CFAP61: variants seen among roughly 807,000 people sequenced by gnomAD.
CFAP61 encodes the protein cilia- and flagella-associated protein 61.
A neutral mutation model predicts 135.6 loss-of-function variants in CFAP61; 107 were observed. That is an observed-to-expected ratio of 0.79 (90% CI 0.67 to 0.93). The LOEUF (loss-of-function observed/expected upper bound fraction) is 0.93. Among genes scored for constraint, CFAP61 ranks in the 40% least tolerant of loss-of-function variants. The pLI is 0.00. For synonymous variants in CFAP61, 575 were observed against 578.5 expected, an observed-to-expected ratio of 0.99 and a Z score of 0.09; for missense variants, 1,507 against 1,556.2, an observed-to-expected ratio of 0.97 and a Z score of 0.53.
intron 18 of CFAP61, among the ~76,000 whole-genome samples, chr20:20,231,040 T>C (rs2049097352): frequency 6.6e-6 from 1 of 152,198 alleles, no homozygotes; most frequent in Non-Finnish European, 1.5e-5. Context: ...ATAAAACACA[T>C]TTGGTCTCCT....
chr20:20,356,113 C>G (rs1409136675), intron 26 of CFAP61, among the ~76,000 whole-genome samples: 1 of 18,360 alleles, frequency 5.4e-5, no homozygotes, highest in African/African-American at 7.2e-5. Flanking sequence ...GAGGTGGTCA[C>G]ACTGAGGGGA....
chr20:20,124,519 C>A (rs2049923762), intron 8 of CFAP61, among the ~76,000 whole-genome samples: 1 of 151,856 alleles, frequency 6.6e-6, no homozygotes, highest in Middle Eastern at 3.4e-3. Context: ...GTTTTTAATT[C>A]TGTTTATGTG....
chr20:20,210,598 A>C (rs2047561414), intron 17 of CFAP61, among the ~76,000 whole-genome samples: 1 of 152,132 alleles, frequency 6.6e-6, no homozygotes, highest in African/African-American at 2.4e-5. Context: ...ACAACACCCC[A>C]CTAGGATGAC....
At chr20:20,077,981 A>G (rs2046175381) in intron 6 of CFAP61, among the ~76,000 whole-genome samples, 1 of 152,228 alleles carries the variant, frequency 6.6e-6, no homozygotes, top group Admixed American at 6.5e-5. Context: ...TCACCACAGA[A>G]TGTAGAATTT....
Position 20,121,689 on chromosome 20 carries a change from T to A in CFAP61, c.860-21168T>A, listed in dbSNP as rs191848013. Among the ~76,000 whole-genome samples the A allele has an allele frequency of 3.9e-3, 587 of 152,216 alleles. 4 individuals are homozygous for A. Among genetic ancestry groups the A allele is most frequent in the African/African-American group, 0.014 (565 of 41,542 alleles). Reference sequence around the variant, plus strand: ...TTTGTATTTTAGTTGAGATGGTGTTTCGCCATGTTGGCCATGCTGGTCTTG... The same window carrying A: ...TTTGTATTTTAGTTGAGATGGTGTTACGCCATGTTGGCCATGCTGGTCTTG... On this transcript the variant is annotated intron_variant, in intron 8 of 26. Transcript: ENST00000245957.
chr20:20,223,304 T>A (rs887260402), intron 17 of CFAP61, among the ~76,000 whole-genome samples: 1 of 152,148 alleles, frequency 6.6e-6, no homozygotes, highest in Non-Finnish European at 1.5e-5. Flanking sequence ...CCGAGGAAAC[T>A]GATATTTAGG....
rs542985792 is a variant in CFAP61 at position 20,173,733 on chromosome 20, A to C, written c.1385+4273A>C. Among the ~76,000 whole-genome samples, 22 of 152,294 alleles carry C rather than the reference A, an allele frequency of 1.4e-4. No homozygotes were observed. In the South Asian group the frequency reaches 4.3e-3, roughly 30 times the overall value. ...ATTCAAGTAGAATTTTTAAAAATGTACTTTATACTCCGCATTCCTAAATGC... is the reference window on the plus strand; with the variant it reads ...ATTCAAGTAGAATTTTTAAAAATGTCCTTTATACTCCGCATTCCTAAATGC... On this transcript the variant is annotated intron_variant, in intron 13 of 26. Transcript: ENST00000245957.
chr20:20,262,845 C>G (rs59345711), intron 20 of CFAP61, 111 bp from the exon 21 acceptor site: 55,396 of 458,834 alleles, frequency 0.12, 4,553 homozygotes, highest in African/African-American at 0.29. Flanking sequence ...GATTGTATCT[C>G]GGGACAGAAA....
chr20:20,057,713 TTTAA>T (rs1365196061), intron 2 of CFAP61, among the ~76,000 whole-genome samples: 3 of 152,222 alleles, frequency 2.0e-5, no homozygotes, highest in East Asian at 1.9e-4. Flanking sequence ...TTCTTCATTA[TTTAA>T]TTAATTTATT....
At chr20:20,175,488 GTTTTTGTTTTGTTTTGTTTTGTTTT>G (rs2054547358) in intron 13 of CFAP61, among the ~76,000 whole-genome samples, 2 of 119,630 alleles carry the variant, frequency 1.7e-5, no homozygotes, top group South Asian at 5.8e-4. Flanking sequence ...TTTTTTTTTT[GTTTTTGTTTTGTTTTGTTTTGTTTT>G]GTTTTGTTTT....
chr20:20,064,020 CTAAA>C (rs1399239969), intron 2 of CFAP61, among the ~76,000 whole-genome samples: 1 of 141,270 alleles, frequency 7.1e-6, no homozygotes, highest in African/African-American at 2.5e-5. Context: ...TAAGGAAAGC[CTAAA>C]TAGAGTAACC....
At chr20:20,276,723 C>T (rs1428352977) in intron 21 of CFAP61, among the ~76,000 whole-genome samples, 1 of 152,156 alleles carries the variant, frequency 6.6e-6, no homozygotes, top group Non-Finnish European at 1.5e-5. Context: ...GAAATCAATC[C>T]AGTTCAACAT....
At position 20,360,216 on chromosome 20, in the gene CFAP61, G is replaced by T. The variant is rs34126878; in HGVS notation, c.3520G>T (p.Asp1174Tyr). 1 of 1,613,486 alleles carries T rather than the reference G, an allele frequency of 6.2e-7. No individual in the cohort carries two copies. Among genetic ancestry groups the T allele is most frequent in the Non-Finnish European group, 8.5e-7 (1 of 1,179,490 alleles). Residue 1174 changes from aspartate (D) to tyrosine (Y), a missense_variant, in exon 27 of 27, where the codon GAT becomes TAT. Physicochemically the swap from Asp to Tyr is radical, Grantham distance 160. Transcript: ENST00000245957. The stretch of plus-strand genomic sequence containing the variant: ...CTCTTACTGTGTTTTACAGGAGGAA[G>T]ATCTTCCTTCCATAGAGCAGTTAGC... ...RQILASKEEE[D>Y]LPSIEQLAHQ...
chr20:20,089,850 G>A (rs1249449566), intron 6 of CFAP61, among the ~76,000 whole-genome samples: 2 of 152,180 alleles, frequency 1.3e-5, no homozygotes, highest in African/African-American at 4.8e-5. Flanking sequence ...GGTGAGCAGT[G>A]CTCCATCACT....
At chr20:20,357,283 AGGT>A (rs1270311095) in intron 26 of CFAP61, among the ~76,000 whole-genome samples, 18 of 19,940 alleles carry the variant, frequency 9.0e-4, no homozygotes, top group South Asian at 2.4e-3. Flanking sequence ...CACTGAGAGG[AGGT>A]GGTCACACTG....
At chr20:20,320,177 C>T (rs2057370754) in intron 25 of CFAP61, among the ~76,000 whole-genome samples, 1 of 150,034 alleles carries the variant, frequency 6.7e-6, no homozygotes, top group Non-Finnish European at 1.5e-5. Flanking sequence ...ACATATCACC[C>T]TATTTGGATC....
chr20:20,348,133 A>G (rs2058699408), intron 26 of CFAP61, among the ~76,000 whole-genome samples: 1 of 152,196 alleles, frequency 6.6e-6, no homozygotes, highest in South Asian at 2.1e-4. Flanking sequence ...GAACTCTTCC[A>G]AAACATAGAA....
chr20:20,327,799 A>C lies in CFAP61; in HGVS notation c.3423-14032A>C, dbSNP rs552722788. Among the ~76,000 whole-genome samples the C allele has an allele frequency of 1.9e-4, 10 of 53,740 alleles. 1 individual carries two copies. The highest frequency in any genetic ancestry group is 7.6e-4 in the African/African-American group (8 of 10,568). The allele number at this position is 53,740 out of a possible 152,430, so 35.3% of individuals were successfully genotyped here. A position where few individuals can be genotyped will look rare whatever the true frequency, so the allele number is the denominator to read the frequency against. On this transcript the variant is annotated intron_variant, in intron 25 of 26. Coordinates refer to ENST00000245957, the MANE Select transcript of CFAP61 (RefSeq NM_015585.4). Reference sequence around the variant, plus strand: ...TGTCAAAAAAAAAAAAAAAAAAAAAAAAAAAACAGAAGAAACAGGAGGCTT... The same window carrying C: ...TGTCAAAAAAAAAAAAAAAAAAAAACAAAAAACAGAAGAAACAGGAGGCTT...
intron 25 of CFAP61, among the ~76,000 whole-genome samples, chr20:20,304,245 G>A (rs2424339): frequency 0.48 from 71,776 of 150,364 alleles, 17,832 homozygotes; most frequent in Middle Eastern, 0.61. Context: ...ACTGAAGAGA[G>A]AGACAGAACT....
Sources: allele counts gnomAD v4.1 joint callset (sites outside exome capture counted in the v4.1 genomes callset), GRCh38; gene constraint gnomAD v4.1.1; transcripts MANE v1.5; gene names NCBI Gene and HGNC (gene_info 2026-07-23, HGNC 2026-07-21).